Variants in UBE2E3 observed in about 807,000 individuals in gnomAD.
UBE2E3 encodes the protein ubiquitin-conjugating enzyme E2 E3.
In UBE2E3, 5 loss-of-function variants were observed where a neutral mutation model predicts 23.6. That is an observed-to-expected ratio of 0.21 (90% CI 0.11 to 0.44). The LOEUF (loss-of-function observed/expected upper bound fraction) is 0.44, where lower values mean the gene tolerates loss of function less well. Among genes scored for constraint, UBE2E3 ranks in the 20% least tolerant of loss-of-function variants. The pLI, the probability that UBE2E3 is intolerant of heterozygous loss-of-function variation, is 0.99. For synonymous variants in UBE2E3, 78 were observed against 87.5 expected, an observed-to-expected ratio of 0.89 and a Z score of 0.60; for missense variants, 81 against 249.8, an observed-to-expected ratio of 0.32 and a Z score of 4.55.
At chr2:181,052,394 T>C (rs956234283) in intron 3 of UBE2E3, among the ~76,000 whole-genome samples, 1 of 151,844 alleles carries the variant, frequency 6.6e-6, no homozygotes, top group African/African-American at 2.4e-5. Flanking sequence ...CCCATGGCTT[T>C]AGGCTGTTAA....
intron 3 of UBE2E3, among the ~76,000 whole-genome samples, chr2:181,002,761 G>A (rs866298691): frequency 5.3e-5 from 8 of 152,198 alleles, no homozygotes; most frequent in African/African-American, 1.7e-4. Flanking sequence ...AGTGGCTACT[G>A]TATTAGCAGA....
At chr2:181,000,243 G>T (rs189346427) in intron 3 of UBE2E3, among the ~76,000 whole-genome samples, 42 of 152,196 alleles carry the variant, frequency 2.8e-4, no homozygotes, top group African/African-American at 9.4e-4. Flanking sequence ...TCTACAACAT[G>T]GGGTTAAGAT....
intron 3 of UBE2E3, among the ~76,000 whole-genome samples, chr2:181,046,820 G>C (rs1686685749): frequency 6.6e-6 from 1 of 152,102 alleles, no homozygotes; most frequent in Non-Finnish European, 1.5e-5. Flanking sequence ...TTATGGTTTA[G>C]ATTTTATTCT....
At chr2:181,026,876 A>G (rs916235935) in intron 3 of UBE2E3, among the ~76,000 whole-genome samples, 2 of 89,900 alleles carry the variant, frequency 2.2e-5, no homozygotes, top group African/African-American at 6.8e-5. Flanking sequence ...TTGATCATAT[A>G]ATATTTTGTG....
intron 3 of UBE2E3, among the ~76,000 whole-genome samples, chr2:180,989,573 C>T (rs191150047): frequency 3.2e-4 from 48 of 152,234 alleles, no homozygotes; most frequent in African/African-American, 1.1e-3. Flanking sequence ...GTTATTTCCT[C>T]CATACGTGCC....
chr2:181,052,933 T>G (rs1006811392), intron 3 of UBE2E3, among the ~76,000 whole-genome samples: 3 of 151,862 alleles, frequency 2.0e-5, no homozygotes, highest in Admixed American at 6.6e-5. Context: ...TCTGGCTGAT[T>G]GGTGGGCTTT....
At chr2:181,059,331 A>G (rs1435212151) in intron 4 of UBE2E3, among the ~76,000 whole-genome samples, 1 of 151,818 alleles carries the variant, frequency 6.6e-6, no homozygotes, top group Non-Finnish European at 1.5e-5. Context: ...CATGAATGCT[A>G]TTCTGTTCAC....
At chr2:181,010,415 C>A (rs965814042) in intron 3 of UBE2E3, among the ~76,000 whole-genome samples, 1 of 151,982 alleles carries the variant, frequency 6.6e-6, no homozygotes, top group Non-Finnish European at 1.5e-5. Context: ...GTACAAGTCG[C>A]GCTCTTATTG....
At chr2:181,053,865 A>G (rs2105476189) in intron 3 of UBE2E3, among the ~76,000 whole-genome samples, 1 of 151,702 alleles carries the variant, frequency 6.6e-6, no homozygotes, top group East Asian at 1.9e-4. Context: ...CTTCCACCCC[A>G]CTAACCCCTG....
At chr2:180,981,227 C>T (rs1684279751) in intron 1 of UBE2E3, 1 of 150,968 alleles carries the variant, frequency 6.6e-6, no homozygotes, top group South Asian at 2.1e-4. Flanking sequence ...CGTGGCTCGC[C>T]TCCGCGGGCG....
At position 180,980,983 on chromosome 2, in the gene UBE2E3, CGG is replaced by C. The variant is rs1684267162; in HGVS notation, c.-26+13_-26+14del. 1.4e-5 allele frequency: 2 copies of C among 145,044 alleles called. No individual in the cohort carries two copies. Among genetic ancestry groups the C allele is most frequent in the South Asian group, 3.7e-4 (2 of 5,382 alleles). 9.0% of individuals were successfully genotyped at this position (145,044 alleles called of 1,614,324 possible). ...CGGGCGGGCGGCCGAGGTAAGGCGG[CGG>C]GGCCGGGGGGCCGCGTGGGGGGCGG... is the stretch of plus-strand genomic sequence containing the variant. On this transcript the variant is annotated intron_variant, in intron 1 of 5. Transcript: ENST00000410062. The surrounding 1 kb of genome is among the most constrained non-coding windows in gnomAD (Gnocchi z 5.5).
intron 3 of UBE2E3, among the ~76,000 whole-genome samples, chr2:181,049,522 A>G (rs1314037897): frequency 1.3e-5 from 2 of 152,098 alleles, no homozygotes. Flanking sequence ...TTCTTCTCTT[A>G]CAAAGTGTTT....
chr2:181,040,438 T>G (rs908228544), intron 3 of UBE2E3, among the ~76,000 whole-genome samples: 3 of 152,228 alleles, frequency 2.0e-5, no homozygotes, highest in African/African-American at 7.2e-5. Flanking sequence ...GGAAAATTTT[T>G]TTATAAAGAA....
intron 3 of UBE2E3, among the ~76,000 whole-genome samples, chr2:181,052,990 T>C (rs1686887300): frequency 6.6e-6 from 1 of 151,892 alleles, no homozygotes; most frequent in African/African-American, 2.4e-5. Flanking sequence ...ACTTTTACAA[T>C]GCTGTTCCCT....
At chr2:181,028,105 A>T (rs917243428) in intron 3 of UBE2E3, among the ~76,000 whole-genome samples, 5 of 152,036 alleles carry the variant, frequency 3.3e-5, no homozygotes, top group African/African-American at 1.2e-4. Flanking sequence ...TGAATGTATT[A>T]CTAAACGGCA....
intron 3 of UBE2E3, among the ~76,000 whole-genome samples, chr2:181,003,894 T>C (rs1016843911): frequency 6.6e-5 from 10 of 152,220 alleles, no homozygotes; most frequent in Admixed American, 3.9e-4. Context: ...CTCAGGAAGA[T>C]GTTACTATCT....
chr2:180,994,528 A>G (rs1684769910), intron 3 of UBE2E3, among the ~76,000 whole-genome samples: 1 of 152,152 alleles, frequency 6.6e-6, no homozygotes, highest in African/African-American at 2.4e-5. Flanking sequence ...ATGCCTAAAA[A>G]TTTTCAGTAG....
intron 3 of UBE2E3, among the ~76,000 whole-genome samples, chr2:181,029,791 T>C (rs61612754): frequency 0.23 from 34,553 of 150,516 alleles, 4,337 homozygotes; most frequent in Non-Finnish European, 0.28. Context: ...AATATTGATG[T>C]TTGGCGTGGG....
chr2:181,043,921 G>A (rs1032770643), intron 3 of UBE2E3, among the ~76,000 whole-genome samples: 3 of 152,024 alleles, frequency 2.0e-5, no homozygotes, highest in Non-Finnish European at 4.4e-5. Flanking sequence ...CCGTTATTTC[G>A]TTGGACATTT....
Sources: allele counts gnomAD v4.1 joint callset (sites outside exome capture counted in the v4.1 genomes callset), GRCh38; gene constraint gnomAD v4.1.1; non-coding constraint Gnocchi (gnomAD v3.1); transcripts MANE v1.5; gene names NCBI Gene and HGNC (gene_info 2026-07-23, HGNC 2026-07-21).